The following PANX1 variants were observed in gnomAD, a reference collection of about 807,000 sequenced individuals.
PANX1 encodes pannexin-1.
PANX1 carries 30 observed loss-of-function variants against 38.7 expected under a neutral mutation model. That is an observed-to-expected ratio of 0.78 (90% CI 0.58 to 1.05). The LOEUF (loss-of-function observed/expected upper bound fraction) is 1.05. Ranked by LOEUF, PANX1 falls within the 50% of genes least tolerant of loss-of-function variation. The probability of loss-of-function intolerance (pLI) is 0.00; values close to 1 mark genes in which losing one functional copy is unlikely to be tolerated. For missense variants in PANX1, 551 were observed against 517.2 expected (o/e 1.07, Z -0.63); for synonymous variants, 230 against 212.2 (o/e 1.08, Z -0.73).
chr11:94,151,132 G>A (rs1490921837), intron 1 of PANX1, among the ~76,000 whole-genome samples: 3 of 152,164 alleles, frequency 2.0e-5, no homozygotes, highest in Non-Finnish European at 4.4e-5. Flanking sequence ...AGGGCTGGTT[G>A]GTGTCTAGTG....
intron 1 of PANX1, among the ~76,000 whole-genome samples, chr11:94,132,543 G>T (rs1946641988): frequency 6.6e-6 from 1 of 152,114 alleles, no homozygotes; most frequent in Non-Finnish European, 1.5e-5. Context: ...AGGGTCCAGG[G>T]GCTCCACATG....
At chr11:94,135,635 G>A (rs1317883615) in intron 1 of PANX1, among the ~76,000 whole-genome samples, 4 of 152,156 alleles carry the variant, frequency 2.6e-5, no homozygotes, top group African/African-American at 9.7e-5. Flanking sequence ...CCCTCCAGAA[G>A]GATGCATGCT....
intron 1 of PANX1, among the ~76,000 whole-genome samples, chr11:94,135,020 C>G (rs960146687): frequency 1.3e-5 from 2 of 152,196 alleles, no homozygotes; most frequent in Admixed American, 6.5e-5. Context: ...TAGGGCTGTA[C>G]AAGGCCTGAG....
chr11:94,169,364 C>T (rs1947137843), intron 2 of PANX1, among the ~76,000 whole-genome samples: 1 of 151,532 alleles, frequency 6.6e-6, no homozygotes, highest in African/African-American at 2.4e-5. Context: ...ATGTGATAAC[C>T]TGTGTCAGAT....
At chr11:94,133,221 T>C (rs1378920038) in intron 1 of PANX1, among the ~76,000 whole-genome samples, 1 of 152,218 alleles carries the variant, frequency 6.6e-6, no homozygotes, top group Non-Finnish European at 1.5e-5. Flanking sequence ...AGGTCCTGCA[T>C]GGTAGGCACT....
chr11:94,162,495 G>A (rs1212925271), intron 2 of PANX1, among the ~76,000 whole-genome samples: 7 of 152,156 alleles, frequency 4.6e-5, no homozygotes, highest in African/African-American at 1.2e-4. Flanking sequence ...GCGAGGCTCC[G>A]TGGGCGTAGG....
At chr11:94,141,230 TCCAGAATA>T (rs1401517104) in intron 1 of PANX1, among the ~76,000 whole-genome samples, 1 of 152,208 alleles carries the variant, frequency 6.6e-6, no homozygotes, top group African/African-American at 2.4e-5. Context: ...TCAACTGCCT[TCCAGAATA>T]CCAGTTTACA....
intron 3 of PANX1, among the ~76,000 whole-genome samples, 193 bp from the exon 4 acceptor site, chr11:94,179,409 A>C (rs1458586009): frequency 1.3e-5 from 2 of 152,246 alleles, no homozygotes; most frequent in Non-Finnish European, 2.9e-5. Context: ...TTAAATATTA[A>C]GGGGAAAAGC....
intron 1 of PANX1, among the ~76,000 whole-genome samples, chr11:94,142,594 T>C (rs1247842548): frequency 1.3e-5 from 2 of 152,236 alleles, no homozygotes; most frequent in African/African-American, 2.4e-5. Flanking sequence ...ACATTTGTCA[T>C]GGTTCAGTCA....
At chr11:94,155,259 A>G (rs1384904718) in intron 2 of PANX1, among the ~76,000 whole-genome samples, 1 of 151,608 alleles carries the variant, frequency 6.6e-6, no homozygotes, top group African/African-American at 2.4e-5. Context: ...CTAAGGCAGG[A>G]GAATCGCTTG....
At chr11:94,164,898 G>A (rs1192888110) in intron 2 of PANX1, among the ~76,000 whole-genome samples, 6 of 152,142 alleles carry the variant, frequency 3.9e-5, no homozygotes, top group Non-Finnish European at 7.4e-5. Flanking sequence ...CACCCTCTTA[G>A]TGAATTGATC....
In PANX1 at chr11:94,136,901, C is replaced by T. The variant is rs571282858; in HGVS notation, c.181+7408C>T. 1.6e-4 allele frequency among the ~76,000 whole-genome samples: 25 copies of T among 152,230 alleles called. No homozygotes were observed. The South Asian group carries it at 4.8e-3, about 29-fold the overall frequency. On this transcript the variant is annotated intron_variant, in intron 1 of 4. Transcript: ENST00000227638. The stretch of plus-strand genomic sequence containing the variant: ...TGGTTTTGTGGGCTGTACAGGAAAC[C>T]TAGTGGCTTCTGCTTGGCTTCTGGG...
chr11:94,146,674 C>T (rs1946831833), intron 1 of PANX1, among the ~76,000 whole-genome samples: 1 of 152,150 alleles, frequency 6.6e-6, no homozygotes, highest in Non-Finnish European at 1.5e-5. Flanking sequence ...CAGACAGACC[C>T]AAAATGAAGA....
chr11:94,147,297 A>G (rs767013731), intron 1 of PANX1, among the ~76,000 whole-genome samples: 2 of 152,208 alleles, frequency 1.3e-5, no homozygotes, highest in Non-Finnish European at 2.9e-5. Context: ...AGTAAAATAT[A>G]TATATTTAAA....
At chr11:94,135,062 TCATGTGGCA>T (rs1423240098) in intron 1 of PANX1, among the ~76,000 whole-genome samples, 1 of 152,164 alleles carries the variant, frequency 6.6e-6, no homozygotes, top group East Asian at 1.9e-4. Flanking sequence ...CCCTGGTGCC[TCATGTGGCA>T]CATATCCCCT....
chr11:94,150,603 C>G (rs1217741103), intron 1 of PANX1, among the ~76,000 whole-genome samples: 2 of 152,116 alleles, frequency 1.3e-5, no homozygotes, highest in Non-Finnish European at 2.9e-5. Flanking sequence ...CTTCAGGCAG[C>G]CTGGGTGAAG....
chr11:94,160,886 T>C (rs943207907), intron 2 of PANX1, among the ~76,000 whole-genome samples: 3 of 152,350 alleles, frequency 2.0e-5, no homozygotes, highest in South Asian at 2.1e-4. Flanking sequence ...CCATGTTTAG[T>C]GCTTCCTTCA....
rs375539925 is a variant in PANX1 at position 94,179,938 on chromosome 11, G to A, written c.882G>A (p.Thr294=). The A allele has an allele frequency of 2.1e-5, 34 of 1,608,448 alleles. No individual in the cohort carries two copies. In the East Asian group the frequency reaches 4.9e-4, roughly 23 times the overall value. Residue 294 remains threonine, a synonymous_variant, in exon 4 of 5, where the codon ACG becomes ACA. Coordinates refer to ENST00000227638, the MANE Select transcript of PANX1 (RefSeq NM_015368.4). ...YVLLAPVVVY[T]LFVPFRQKTD... ...TGCTGGCTCCCGTGGTTGTCTACACGCTGTTTGTTCCATTCCGACAGAAGA... is the reference window on the plus strand; with the variant it reads ...TGCTGGCTCCCGTGGTTGTCTACACACTGTTTGTTCCATTCCGACAGAAGA...
At chr11:94,158,869 G>T (rs1054655885) in intron 2 of PANX1, among the ~76,000 whole-genome samples, 2 of 152,160 alleles carry the variant, frequency 1.3e-5, no homozygotes, top group African/African-American at 4.8e-5. Context: ...CATTCAGTAT[G>T]ATATCAGCTG....
Sources: gnomAD v4.1 joint callset for allele counts (sites outside exome capture counted in the v4.1 genomes callset) on GRCh38, gnomAD v4.1.1 for gene constraint, MANE v1.5 for transcripts, NCBI Gene and HGNC (gene_info 2026-07-23, HGNC 2026-07-21) for gene names.